SLC11A2: variants seen among roughly 807,000 people sequenced by gnomAD.
The protein encoded by SLC11A2 is natural resistance-associated macrophage protein 2.
In SLC11A2, 38 loss-of-function variants were observed where a neutral mutation model predicts 68.0. The observed-to-expected ratio is 0.56, with a 90% confidence interval of 0.43 to 0.73. The LOEUF (loss-of-function observed/expected upper bound fraction) is 0.73, where lower values mean the gene tolerates loss of function less well. Among genes scored for constraint, SLC11A2 ranks in the 30% least tolerant of loss-of-function variants. The pLI, the probability that SLC11A2 is intolerant of heterozygous loss-of-function variation, is 0.00. For missense variants in SLC11A2, 517 were observed against 690.5 expected (o/e 0.75, Z 2.82); for synonymous variants, 242 against 250.6 (o/e 0.97, Z 0.32).
upstream of SLC11A2, among the ~76,000 whole-genome samples, chr12:51,027,019 A>G (rs1944421238): frequency 6.6e-6 from 1 of 152,146 alleles, no homozygotes; most frequent in South Asian, 2.1e-4. Context: ...TTTACTAAAA[A>G]TACAAAATTA....
At chr12:50,973,489 G>C in the SLC11A2 span, among the ~76,000 whole-genome samples, 5 of 152,070 alleles carry the variant, frequency 3.3e-5, no homozygotes, top group South Asian at 1.0e-3. Flanking sequence ...AACCCCATCT[G>C]TACATCACCA....
chr12:51,024,965 G>A (rs1273597772), intron 1 of SLC11A2: 2 of 152,168 alleles, frequency 1.3e-5, no homozygotes, highest in Non-Finnish European at 2.9e-5. Flanking sequence ...GGCCAAGCAA[G>A]ACTGTCAATG....
Position 50,990,911 on chromosome 12 carries a change from T to C in SLC11A2, c.1459A>G (p.Ile487Val), listed in dbSNP as rs1167152845. The C allele has an allele frequency of 6.2e-7, 1 of 1,614,038 alleles. No homozygotes were observed. The highest frequency in any genetic ancestry group is 1.7e-5 in the Admixed American group (1 of 59,996). Reference sequence around the variant, plus strand: ...ACAAAGTACATATTGATGGAACAGATGATAAGGACCAAGATTCCTCCTGCA... The same window carrying C: ...ACAAAGTACATATTGATGGAACAGACGATAAGGACCAAGATTCCTCCTGCA... The part of the protein sequence containing the change: ...RIAGGILVLI[I>V]CSINMYFVVV... The change falls in exon 15 of 16, where the codon ATC (isoleucine) becomes GTC (valine). Residue 487 changes from isoleucine (I) to valine (V), a missense_variant. Coordinates refer to ENST00000262052, the MANE Select transcript of SLC11A2 (RefSeq NM_000617.3).
chr12:50,962,877 A>T, the SLC11A2 span, among the ~76,000 whole-genome samples: 1 of 152,186 alleles, frequency 6.6e-6, no homozygotes, highest in African/African-American at 2.4e-5. Flanking sequence ...GAAAAAACAA[A>T]GGCACAGAAG....
chr12:51,028,835 C>T (rs188209998), upstream of SLC11A2, among the ~76,000 whole-genome samples: 2 of 152,132 alleles, frequency 1.3e-5, no homozygotes, highest in East Asian at 1.9e-4. Context: ...CAGTGATCCA[C>T]GAGCAGACAT....
Position 50,987,931 on chromosome 12 carries a change from C to T in SLC11A2, c.*394G>A. Reference sequence around the variant, plus strand: ...ATTACATTTTGATAAATAAAACTTGCATACTCATTCTGTAGTTTGTATAAT... The same window carrying T: ...ATTACATTTTGATAAATAAAACTTGTATACTCATTCTGTAGTTTGTATAAT... On this transcript the variant is annotated 3_prime_UTR_variant, in exon 16 of 16. Transcript: ENST00000262052. 1 of 1,279,160 alleles carries T rather than the reference C, an allele frequency of 7.8e-7. No homozygotes were observed. The highest frequency in any genetic ancestry group is 1.0e-6 in the Non-Finnish European group (1 of 983,478). 79.2% of individuals were successfully genotyped at this position (1,279,160 alleles called of 1,614,324 possible). A position where few individuals can be genotyped will look rare whatever the true frequency, so the allele number is the denominator to read the frequency against.
intron 1 of SLC11A2, among the ~76,000 whole-genome samples, chr12:51,021,625 T>C (rs1410201261): frequency 9.2e-6 from 1 of 108,664 alleles, no homozygotes; most frequent in Non-Finnish European, 2.2e-5. Context: ...AGACCCTGTC[T>C]CAAAAAAAAA....
At chr12:50,980,612 T>C (rs560047278), downstream of SLC11A2, 1 of 152,376 alleles carries the variant, frequency 6.6e-6, no homozygotes, top group Non-Finnish European at 1.5e-5. Context: ...TTGTGATATG[T>C]GGACTAATAT....
At chr12:51,025,943 G>A (rs1017981065) in intron 1 of SLC11A2, 102 of 996,552 alleles carry the variant, frequency 1.0e-4, no homozygotes, top group Middle Eastern at 5.1e-4. Context: ...TGTGCCCGTC[G>A]GCCTCTTTCG....
the SLC11A2 span, among the ~76,000 whole-genome samples, chr12:50,954,754 C>T: frequency 6.6e-6 from 1 of 152,066 alleles, no homozygotes; most frequent in Admixed American, 6.6e-5. Flanking sequence ...AAACAAAAAA[C>T]CAAAAACTTC....
chr12:50,993,978 C>G (rs914216635), intron 11 of SLC11A2, among the ~76,000 whole-genome samples: 6 of 98,030 alleles, frequency 6.1e-5, no homozygotes. Flanking sequence ...GGCAACAGAG[C>G]AAGACCTTGT....
rs1276246528 is a variant in SLC11A2, at chr12:50,987,314, G to T, written c.*1011C>A. The stretch of plus-strand genomic sequence containing the variant: ...TGCAACGGTTAAGTCCACAGCTCCT[G>T]AGATTGCCTCGCAAGTCATCTTGGG... On this transcript the variant is annotated 3_prime_UTR_variant, in exon 16 of 16. Coordinates refer to ENST00000262052, the MANE Select transcript of SLC11A2 (RefSeq NM_000617.3). 5 of 1,287,090 alleles carry T rather than the reference G, an allele frequency of 3.9e-6. No homozygotes were observed. The highest frequency in any genetic ancestry group is 5.1e-6 in the Non-Finnish European group (5 of 988,700). 79.7% of individuals were successfully genotyped at this position (1,287,090 alleles called of 1,614,324 possible).
the SLC11A2 span, among the ~76,000 whole-genome samples, chr12:50,970,088 G>A: frequency 3.0e-4 from 46 of 151,954 alleles, no homozygotes; most frequent in Non-Finnish European, 4.9e-4. Context: ...TGTTTTCCTC[G>A]GGATACTGAG....
rs747408183 is a variant in SLC11A2, at chr12:51,026,367, G to A, written c.-96C>T. 85 of 1,281,096 alleles carry A rather than the reference G, an allele frequency of 6.6e-5. No individual in the cohort carries two copies. The highest frequency in any genetic ancestry group is 8.4e-5 in the Non-Finnish European group (83 of 983,916). The allele number at this position is 1,281,096 out of a possible 1,614,324, so 79.4% of individuals were successfully genotyped here. ...CCCCGCGCCCAGGGCTCCATATTCCGGGAGCCAGCGCCACGCTGGCTAACG... is the reference window on the plus strand; with the variant it reads ...CCCCGCGCCCAGGGCTCCATATTCCAGGAGCCAGCGCCACGCTGGCTAACG... On this transcript the variant is annotated 5_prime_UTR_variant, in exon 1 of 16. Transcript: ENST00000262052.
chr12:50,987,517 A>G lies in SLC11A2; in HGVS notation c.*808T>C, dbSNP rs1251556700. ...TATCACCACCCTCCTGGAGAAAGAA[A>G]GTTAAGGTTTTACAACCACATGTGC... On this transcript the variant is annotated 3_prime_UTR_variant, in exon 16 of 16. Transcript: ENST00000262052. 2.3e-6 allele frequency: 3 copies of G among 1,287,136 alleles called. No homozygotes were observed. The highest frequency in any genetic ancestry group is 3.0e-6 in the Non-Finnish European group (3 of 988,706). The allele number at this position is 1,287,136 out of a possible 1,614,324, so 79.7% of individuals were successfully genotyped here. A position where few individuals can be genotyped will look rare whatever the true frequency, so the allele number is the denominator to read the frequency against.
the SLC11A2 span, among the ~76,000 whole-genome samples, chr12:50,973,621 G>A: frequency 6.6e-6 from 1 of 152,166 alleles, no homozygotes; most frequent in Non-Finnish European, 1.5e-5. Context: ...CACCAGCAAT[G>A]GAACAAAGCT....
At chr12:50,997,039 G>A (rs796319049) in intron 8 of SLC11A2, 67 bp from the exon 9 acceptor site, 2 of 1,261,502 alleles carry the variant, frequency 1.6e-6, no homozygotes, top group Non-Finnish European at 2.3e-6. Flanking sequence ...TAGTACCAGG[G>A]AACAGTTAGC....
chr12:51,008,248 AGATAGAT>A, intron 3 of SLC11A2: 2 of 298,512 alleles, frequency 6.7e-6, no homozygotes, highest in Admixed American at 1.0e-4. Context: ...ATAGATAGAT[AGATAGAT>A]AGATAGACGG....
intron 2 of SLC11A2, 95 bp from the exon 3 acceptor site, chr12:51,008,719 T>C: frequency 7.0e-6 from 7 of 1,003,136 alleles, no homozygotes; most frequent in Admixed American, 1.9e-5. Flanking sequence ...GTTTAATATC[T>C]AAATGCACAA....
Sources: allele counts gnomAD v4.1 joint callset (sites outside exome capture counted in the v4.1 genomes callset), GRCh38; gene constraint gnomAD v4.1.1; transcripts MANE v1.5; gene names NCBI Gene and HGNC (gene_info 2026-07-23, HGNC 2026-07-21).